The following OR8G1 variants were observed in gnomAD, a reference collection of about 807,000 sequenced individuals.
OR8G1 encodes olfactory receptor family 8 subfamily G member 1.
For synonymous variants in OR8G1, 129 were observed against 133.3 expected (o/e 0.97, Z 0.22); for missense variants, 372 against 356.2 (o/e 1.04, Z -0.36).
Position 124,250,540 on chromosome 11 carries a change from AT to A in OR8G1, c.868del (p.Tyr290IlefsTer3). The A allele has an allele frequency of 1.7e-6, 2 of 1,181,394 alleles. No homozygotes were observed. Among genetic ancestry groups the A allele is most frequent in the Non-Finnish European group, 2.3e-6 (2 of 881,484 alleles). 73.2% of individuals were successfully genotyped at this position (1,181,394 alleles called of 1,614,324 possible). ...TIIVPMLNPLIYSLRNKDVHV... is the reference protein window; with the variant it reads ...TIIVPMLNPLXYSLRNKDVHV... ...TATTGTGCCCATGTTGAACCCTCTG[AT>A]TTATAGCCTGAGGAATAAAGATGTC... On this transcript the variant is annotated frameshift_variant, in exon 3 of 3. Coordinates refer to ENST00000641972, the MANE Select transcript of OR8G1 (RefSeq NM_001002905.2). LOFTEE classifies it low-confidence loss of function (END_TRUNC).
At position 124,250,640 on chromosome 11, in the gene OR8G1, A is replaced by G. The variant is rs1172143447; in HGVS notation, c.*29A>G. ...GTAATAATAAGAAGATGATATATTA[A>G]TCCTAAGTAGTGGACTGTTACATTG... is the stretch of plus-strand genomic sequence containing the variant. On this transcript the variant is annotated 3_prime_UTR_variant, in exon 3 of 3. Transcript: ENST00000641972. The G allele has an allele frequency of 4.5e-4, 244 of 541,316 alleles. 89 individuals are homozygous for G. In the African/African-American group the frequency reaches 6.6e-3, roughly 15 times the overall value. 33.5% of individuals were successfully genotyped at this position (541,316 alleles called of 1,614,324 possible).
At chr11:124,244,586 G>T (rs368160746) in intron 1 of OR8G1, among the ~76,000 whole-genome samples, 1 of 149,584 alleles carries the variant, frequency 6.7e-6, no homozygotes, top group East Asian at 2.0e-4. Flanking sequence ...GACAAAAAAA[G>T]TTCCCTGATT....
intron 1 of OR8G1, among the ~76,000 whole-genome samples, chr11:124,247,014 A>T (rs1861817762): frequency 6.6e-6 from 1 of 151,758 alleles, no homozygotes; most frequent in African/African-American, 2.4e-5. Flanking sequence ...TGCGAGATCC[A>T]GCTAAAGTGG....
intron 1 of OR8G1, among the ~76,000 whole-genome samples, chr11:124,243,785 C>T (rs528405296): frequency 1.3e-5 from 2 of 152,070 alleles, no homozygotes; most frequent in Admixed American, 6.6e-5. Flanking sequence ...ATTTTGGCTT[C>T]GGGTCAGTAT....
rs988583915 is a variant in OR8G1, at chr11:124,244,033, A to G, written c.-97+2669A>G. Among the ~76,000 whole-genome samples, 3 of 133,744 alleles carry G rather than the reference A, an allele frequency of 2.2e-5. No homozygotes were observed. In the East Asian group the frequency reaches 6.8e-4, roughly 30 times the overall value. The allele number at this position is 133,744 out of a possible 152,430, so 87.7% of individuals were successfully genotyped here. A position where few individuals can be genotyped will look rare whatever the true frequency, so the allele number is the denominator to read the frequency against. ...GAACAAGGAAAGGATGGAGAGAGGG[A>G]GAGAGAGATGGAGAGAGAACGAGGA... On this transcript the variant is annotated intron_variant, in intron 1 of 2. Coordinates refer to ENST00000641972, the MANE Select transcript of OR8G1 (RefSeq NM_001002905.2).
rs1459421096 is a variant in OR8G1, at chr11:124,251,270, C to T, written c.*659C>T. The T allele has an allele frequency of 2.0e-5, 2 of 102,464 alleles. No individual in the cohort carries two copies. Among genetic ancestry groups the T allele is most frequent in the African/African-American group, 4.7e-5 (1 of 21,258 alleles). 6.3% of individuals were successfully genotyped at this position (102,464 alleles called of 1,614,324 possible). On this transcript the variant is annotated 3_prime_UTR_variant, in exon 3 of 3. Coordinates refer to ENST00000641972, the MANE Select transcript of OR8G1 (RefSeq NM_001002905.2). The stretch of plus-strand genomic sequence containing the variant: ...ATGTGGTTTATTGCCACGTCTCCAG[C>T]GTCTATCATAGTTCTTGCCACCTTA...
chr11:124,250,360 C>A lies in OR8G1; in HGVS notation c.685C>A (p.Arg229Ser). 1.2e-6 allele frequency: 2 copies of A among 1,613,826 alleles called. No homozygotes were observed. Among genetic ancestry groups the A allele is most frequent in the South Asian group, 1.1e-5 (1 of 91,080 alleles). The change falls in exon 3 of 3, where the codon CGC becomes AGC. Residue 229 changes from arginine (R) to serine (S), a missense_variant. Transcript: ENST00000641972. Reference sequence around the variant, plus strand: ...TATTATTGCCAGCATCCTCCACATTCGCTCCACTGAGGGCAGGTCCAAAGC... The same window carrying A: ...TATTATTGCCAGCATCCTCCACATTAGCTCCACTGAGGGCAGGTCCAAAGC... Reference protein sequence around the residue: ...IFIIASILHIRSTEGRSKAFS... With the variant: ...IFIIASILHISSTEGRSKAFS...
chr11:124,246,748 C>T (rs1861814314), intron 1 of OR8G1, among the ~76,000 whole-genome samples: 1 of 151,170 alleles, frequency 6.6e-6, no homozygotes, highest in Non-Finnish European at 1.5e-5. Flanking sequence ...GAAATATTTA[C>T]AAAAATTGAC....
Position 124,253,129 on chromosome 11 carries a change from T to C in OR8G1, c.*2518T>C, listed in dbSNP as rs1861879719. On this transcript the variant is annotated 3_prime_UTR_variant, in exon 3 of 3. Coordinates refer to ENST00000641972, the MANE Select transcript of OR8G1 (RefSeq NM_001002905.2). The stretch of plus-strand genomic sequence containing the variant: ...AATAATTTAAAGTCCGTTAGAAAAC[T>C]ATTTATGTTTGCTGAGTGCAGTGGC... 1 of 152,136 alleles carries C rather than the reference T, an allele frequency of 6.6e-6. No homozygotes were observed. Among genetic ancestry groups the C allele is most frequent in the Non-Finnish European group, 1.5e-5 (1 of 67,978 alleles). 9.4% of individuals were successfully genotyped at this position (152,136 alleles called of 1,614,324 possible). A position where few individuals can be genotyped will look rare whatever the true frequency, so the allele number is the denominator to read the frequency against.
At chr11:124,242,792 TTAAAC>T (rs1176858978) in intron 1 of OR8G1, among the ~76,000 whole-genome samples, 9 of 152,088 alleles carry the variant, frequency 5.9e-5, no homozygotes, top group Non-Finnish European at 1.3e-4. Flanking sequence ...AATTAATCAT[TTAAAC>T]TAAGACTGGA....
intron 1 of OR8G1, among the ~76,000 whole-genome samples, chr11:124,243,609 G>A (rs549362290): frequency 1.3e-5 from 2 of 151,828 alleles, no homozygotes; most frequent in Non-Finnish European, 2.9e-5. Flanking sequence ...ATCAATTCAC[G>A]TATTCATTGT....
chr11:124,247,067 A>G (rs1358716981), intron 1 of OR8G1, among the ~76,000 whole-genome samples: 1 of 151,796 alleles, frequency 6.6e-6, no homozygotes, highest in African/African-American at 2.4e-5. Flanking sequence ...ACATTAGAAA[A>G]GAATAAAAGT....
intron 1 of OR8G1, among the ~76,000 whole-genome samples, chr11:124,245,157 C>G: frequency 7.5e-6 from 1 of 133,644 alleles, no homozygotes; most frequent in South Asian, 2.4e-4. Flanking sequence ...AATGCTATCC[C>G]TCCCCCCTCC....
Position 124,252,156 on chromosome 11 carries a change from T to C in OR8G1, c.*1545T>C, listed in dbSNP as rs1861872335. The C allele has an allele frequency of 1.3e-5, 2 of 152,158 alleles. No homozygotes were observed. The highest frequency in any genetic ancestry group is 4.1e-4 in the South Asian group (2 of 4,822). The allele number at this position is 152,158 out of a possible 1,614,324, so 9.4% of individuals were successfully genotyped here. On this transcript the variant is annotated 3_prime_UTR_variant, in exon 3 of 3. Coordinates refer to ENST00000641972, the MANE Select transcript of OR8G1 (RefSeq NM_001002905.2). ...CTCTAAAAACATGGCATGTATAAAA[T>C]TGAGCATACCAAGTAGATTTGGATC...
At chr11:124,242,103 C>CT (rs35362945) in intron 1 of OR8G1, among the ~76,000 whole-genome samples, 1 of 150,418 alleles carries the variant, frequency 6.6e-6, no homozygotes, top group African/African-American at 2.4e-5. Flanking sequence ...TATTATTATA[C>CT]TTTAAGTTTT....
At position 124,250,217 on chromosome 11, in the gene OR8G1, T is replaced by A. The variant is rs765463838; in HGVS notation, c.542T>A (p.Leu181His). 6.2e-7 allele frequency: 1 copy of A among 1,613,754 alleles called. No homozygotes were observed. Among genetic ancestry groups the A allele is most frequent in the South Asian group, 1.1e-5 (1 of 91,074 alleles). ...TTGATTAACCATTATTTCTGTGATC[T>A]TCTTCCCCTCCTAAAGCTCTCTTGC... ...FDLINHYFCD[L>H]LPLLKLSCSS... Residue 181 changes from leucine to histidine, a missense_variant, in exon 3 of 3, where the codon CTT (leucine) becomes CAT (histidine). By Grantham distance (99) the Leu-to-His change is moderately conservative. Coordinates refer to ENST00000641972, the MANE Select transcript of OR8G1 (RefSeq NM_001002905.2).
intron 2 of OR8G1, 46 bp from the exon 3 acceptor site, chr11:124,249,614 C>G: frequency 1.3e-6 from 2 of 1,509,058 alleles, no homozygotes; most frequent in East Asian, 2.4e-5. Context: ...TAAAGTCCCT[C>G]CCACAACCAT....
At position 124,250,640 on chromosome 11, in the gene OR8G1, A is replaced by C. The variant is rs1172143447; in HGVS notation, c.*29A>C. 0.68 allele frequency: 367,065 copies of C among 540,930 alleles called. 158,318 individuals carry two copies. The highest frequency in any genetic ancestry group is 0.76 in the East Asian group (22,628 of 29,640). The allele number at this position is 540,930 out of a possible 1,614,324, so 33.5% of individuals were successfully genotyped here. A position where few individuals can be genotyped will look rare whatever the true frequency, so the allele number is the denominator to read the frequency against. ...GTAATAATAAGAAGATGATATATTA[A>C]TCCTAAGTAGTGGACTGTTACATTG... is the stretch of plus-strand genomic sequence containing the variant. On this transcript the variant is annotated 3_prime_UTR_variant, in exon 3 of 3. Coordinates refer to ENST00000641972, the MANE Select transcript of OR8G1 (RefSeq NM_001002905.2).
chr11:124,244,984 C>A (rs76280891), intron 1 of OR8G1, among the ~76,000 whole-genome samples: 134,458 of 151,728 alleles, frequency 0.89, 59,773 homozygotes, highest in African/African-American at 0.96. Flanking sequence ...AATAGGAAAA[C>A]TTCTTAACCT....
Sources: gnomAD v4.1 joint callset for allele counts (sites outside exome capture counted in the v4.1 genomes callset) on GRCh38, gnomAD v4.1.1 for gene constraint, MANE v1.5 for transcripts, NCBI Gene and HGNC (gene_info 2026-07-23, HGNC 2026-07-21) for gene names.